The following ROS1 variants were observed in gnomAD, a reference collection of about 807,000 sequenced individuals.
ROS1 encodes the protein proto-oncogene tyrosine-protein kinase ROS.
Under a neutral mutation model 273.5 loss-of-function variants are expected in ROS1, and 263 were observed. That is an observed-to-expected ratio of 0.96 (90% confidence interval 0.87 to 1.06). The LOEUF (loss-of-function observed/expected upper bound fraction) is 1.06, where lower values mean the gene tolerates loss of function less well. Ranked by LOEUF, ROS1 falls within the 50% of genes least tolerant of loss-of-function variation. ROS1 has a pLI of 0.00. For synonymous variants in ROS1, 1,008 were observed against 954.1 expected, an observed-to-expected ratio of 1.06 and a Z score of -1.04; for missense variants, 2,833 against 2,751.1, an observed-to-expected ratio of 1.03 and a Z score of -0.67.
At chr6:117,334,142 CAA>C (rs1387748468) in intron 32 of ROS1, among the ~76,000 whole-genome samples, 1 of 152,190 alleles carries the variant, frequency 6.6e-6, no homozygotes, top group South Asian at 2.1e-4. Flanking sequence ...GCAACTTCAG[CAA>C]AGTCTCAAGA....
chr6:117,418,412 T>A lies in ROS1; in HGVS notation c.168+50A>T, dbSNP rs763066431. 7 of 1,302,788 alleles carry A rather than the reference T, an allele frequency of 5.4e-6. No homozygotes were observed. In the South Asian group the frequency reaches 8.9e-5, roughly 17 times the overall value. The allele number at this position is 1,302,788 out of a possible 1,614,324, so 80.7% of individuals were successfully genotyped here. On this transcript the variant is annotated intron_variant, in intron 2 of 43. Coordinates refer to ENST00000368507, the MANE Select transcript of ROS1 (RefSeq NM_001378902.1). ...ATAAAATCTGATCATTGTCCCTTCA[T>A]TATCAACACAAACATTGTAATATTC...
chr6:117,334,827 T>C (rs1777347342), intron 32 of ROS1, among the ~76,000 whole-genome samples: 1 of 152,140 alleles, frequency 6.6e-6, no homozygotes, highest in Admixed American at 6.5e-5. Context: ...CTTAACCTTA[T>C]ACAAAATTTA....
intron 26 of ROS1, among the ~76,000 whole-genome samples, chr6:117,354,844 A>C (rs894981769): frequency 6.6e-6 from 1 of 152,222 alleles, no homozygotes; most frequent in African/African-American, 2.4e-5. Context: ...GCAATAGCGC[A>C]CTAGGAAAGA....
At chr6:117,338,148 G>C (rs1198506278) in intron 31 of ROS1, among the ~76,000 whole-genome samples, 1 of 151,886 alleles carries the variant, frequency 6.6e-6, no homozygotes, top group Non-Finnish European at 1.5e-5. Flanking sequence ...ATTTGTCAGG[G>C]GTTCTTGGTG....
intron 42 of ROS1, chr6:117,301,496 G>C (rs938528466): frequency 5.8e-6 from 1 of 171,106 alleles, no homozygotes; most frequent in African/African-American, 2.4e-5. Context: ...TGATCACCAG[G>C]GTTGATTCAG....
At chr6:117,295,253 A>G (rs1375769506) in intron 43 of ROS1, among the ~76,000 whole-genome samples, 2 of 152,346 alleles carry the variant, frequency 1.3e-5, no homozygotes, top group Admixed American at 6.5e-5. Context: ...CAGTCTCTTC[A>G]ATAAATGCTG....
At position 117,324,325 on chromosome 6, in the gene ROS1, T is replaced by C. The variant is rs1159330188; in HGVS notation, c.5623+7A>G. On this transcript the variant is annotated splice_region_variant and intron_variant, in intron 35 of 43. Transcript: ENST00000368507. ...GTTGCCTATTTTAAAAATTCTATTA[T>C]ACTTACCAAAGGTCAGTGGGATTGT... The C allele has an allele frequency of 3.7e-6, 5 of 1,361,804 alleles. No homozygotes were observed. In the African/African-American group the frequency reaches 5.8e-5, roughly 16 times the overall value. 84.4% of individuals were successfully genotyped at this position (1,361,804 alleles called of 1,614,324 possible). A position where few individuals can be genotyped will look rare whatever the true frequency, so the allele number is the denominator to read the frequency against.
In ROS1 at chr6:117,389,555, GAA is replaced by G. The variant is rs1209398052; in HGVS notation, c.1579_1580del (p.Phe527ProfsTer8). ...DFLVTDGKVIFQQDALSFNEF... is the reference protein window; with the variant it reads ...DFLVTDGKVIXQQDALSFNEF... ...CATTAAAAGACAAAGCATCCTGTTG[GAA>G]AATGACCTTGCCATCTGTGACAAGA... On this transcript the variant is annotated frameshift_variant, in exon 13 of 44. Transcript: ENST00000368507. LOFTEE classifies it high-confidence loss of function. The G allele has an allele frequency of 5.6e-6, 9 of 1,614,058 alleles. No individual in the cohort carries two copies. The highest frequency in any genetic ancestry group is 7.6e-6 in the Non-Finnish European group (9 of 1,180,044).
At chr6:117,301,391 A>G (rs912650521) in intron 42 of ROS1, 2 of 311,330 alleles carry the variant, frequency 6.4e-6, no homozygotes, top group South Asian at 5.1e-5. Flanking sequence ...AAATAGATGG[A>G]TAAGTAGATG....
chr6:117,391,322 T>C (rs1773048417), intron 12 of ROS1, among the ~76,000 whole-genome samples: 2 of 152,096 alleles, frequency 1.3e-5, no homozygotes, highest in Non-Finnish European at 2.9e-5. Context: ...TCAGAGTAGA[T>C]AAAAGGAAAA....
At chr6:117,348,743 C>T (rs993105335) in intron 27 of ROS1, among the ~76,000 whole-genome samples, 3 of 151,704 alleles carry the variant, frequency 2.0e-5, no homozygotes, top group African/African-American at 2.4e-5. Context: ...TGTAAACTTC[C>T]CTCTAAGCAC....
At chr6:117,353,247 C>A in intron 26 of ROS1, 81 bp from the exon 27 acceptor site, 1 of 1,030,360 alleles carries the variant, frequency 9.7e-7, no homozygotes, top group South Asian at 2.0e-5. Context: ...GAAATTTTTT[C>A]TATATTATAA....
At chr6:117,295,391 G>T (rs1156895456) in intron 43 of ROS1, among the ~76,000 whole-genome samples, 1 of 152,136 alleles carries the variant, frequency 6.6e-6, no homozygotes, top group East Asian at 1.9e-4. Flanking sequence ...ACTACTACAA[G>T]AAAATACTGG....
At chr6:117,357,320 T>C (rs1779404085) in intron 25 of ROS1, among the ~76,000 whole-genome samples, 1 of 152,236 alleles carries the variant, frequency 6.6e-6, no homozygotes. Flanking sequence ...CCCATGCTTA[T>C]GGCCCAAACA....
chr6:117,313,537 C>A (rs1357247916), intron 39 of ROS1, among the ~76,000 whole-genome samples: 1 of 150,000 alleles, frequency 6.7e-6, no homozygotes, highest in East Asian at 2.0e-4. Context: ...CACGCCACTG[C>A]ACTTCAACCT....
intron 1 of ROS1, among the ~76,000 whole-genome samples, chr6:117,424,263 A>AT (rs1267175443): frequency 1.3e-5 from 2 of 151,960 alleles, no homozygotes; most frequent in African/African-American, 4.8e-5. Flanking sequence ...TCACAATACA[A>AT]TGTAATGAAA....
intron 17 of ROS1, among the ~76,000 whole-genome samples, chr6:117,380,043 T>C (rs1771988369): frequency 6.6e-6 from 1 of 152,166 alleles, no homozygotes; most frequent in Non-Finnish European, 1.5e-5. Flanking sequence ...AGATAGAAGT[T>C]ACTATCCAAA....
At position 117,288,502 on chromosome 6, in the gene ROS1, C is replaced by G. The variant is rs371063080; in HGVS notation, c.7016G>C (p.Gly2339Ala). Residue 2339 changes from glycine to alanine, a missense_variant, in exon 44 of 44, where the codon GGG becomes GCG. Transcript: ENST00000368507. ...ACLTHSGYGD[G>A]SD ...TCCCAAACAACGCTATTAATCAGAC[C>G]CATCTCCATATCCACTGTGAGTGAG... 1 of 1,612,134 alleles carries G rather than the reference C, an allele frequency of 6.2e-7. No individual in the cohort carries two copies. Among genetic ancestry groups the G allele is most frequent in the Middle Eastern group, 1.7e-4 (1 of 6,050 alleles).
At chr6:117,385,635 T>G (rs2128696246) in intron 16 of ROS1, 48 bp downstream of exon 16, 1 of 1,524,152 alleles carries the variant, frequency 6.6e-7, no homozygotes. Context: ...GTCACTGAAG[T>G]GGATAAGTAT....
Sources: allele counts gnomAD v4.1 joint callset (sites outside exome capture counted in the v4.1 genomes callset), GRCh38; gene constraint gnomAD v4.1.1; transcripts MANE v1.5; gene names NCBI Gene and HGNC (gene_info 2026-07-23, HGNC 2026-07-21).